Variants in KLC1 observed in about 807,000 individuals in gnomAD.
The protein encoded by KLC1 is kinesin light chain 1, also known as kinesin 2 60/70kDa.
KLC1 carries 30 observed loss-of-function variants against 84.2 expected under a neutral mutation model. The observed-to-expected ratio is 0.36, with a 90% confidence interval of 0.27 to 0.48. The LOEUF is 0.48. KLC1 is among the 20% of genes least tolerant of loss of function. The pLI is 0.99. For synonymous variants in KLC1, 289 were observed against 293.3 expected, an observed-to-expected ratio of 0.99 and a Z score of 0.15; for missense variants, 499 against 805.4, an observed-to-expected ratio of 0.62 and a Z score of 4.60.
chr14:103,679,288 G>GTT lies in KLC1; in HGVS notation c.1489-81_1489-80dup, dbSNP rs369024927. On this transcript the variant is annotated intron_variant, in intron 12 of 16. Coordinates refer to ENST00000334553, the MANE Select transcript of KLC1 (RefSeq NM_001394837.1). ...TTTTTCCCTCCAGTGATTAAGAACTGTTTTTTTTTTTTTTTTCTAGCGAAG... is the reference window on the plus strand; with the variant it reads ...TTTTTCCCTCCAGTGATTAAGAACTGTTTTTTTTTTTTTTTTTTCTAGCGAAG... 9.8e-3 allele frequency: 10,702 copies of GTT among 1,092,302 alleles called. 1 individual carries two copies. The highest frequency in any genetic ancestry group is 0.025 in the South Asian group (1,518 of 61,834). 67.7% of individuals were successfully genotyped at this position (1,092,302 alleles called of 1,614,324 possible).
At chr14:103,648,887 A>G (rs1243933770) in intron 1 of KLC1, among the ~76,000 whole-genome samples, 1 of 152,206 alleles carries the variant, frequency 6.6e-6, no homozygotes, top group Non-Finnish European at 1.5e-5. Flanking sequence ...CTGTAATCCC[A>G]GTTCTTTGGG....
chr14:103,669,707 C>A, intron 6 of KLC1, 109 bp downstream of exon 6: 2 of 771,718 alleles, frequency 2.6e-6, no homozygotes, highest in South Asian at 1.6e-5. Context: ...TAAGTGCTGC[C>A]TTTTCCCTAG....
intron 3 of KLC1, among the ~76,000 whole-genome samples, chr14:103,660,864 A>G (rs1271729910): frequency 2.0e-5 from 3 of 152,174 alleles, no homozygotes; most frequent in African/African-American, 7.2e-5. Context: ...ATGGAAATGC[A>G]AGTACTTTGC....
intron 16 of KLC1, among the ~76,000 whole-genome samples, chr14:103,700,988 C>G (rs1433010877): frequency 6.6e-6 from 1 of 152,230 alleles, no homozygotes; most frequent in Non-Finnish European, 1.5e-5. Context: ...TCCCCCGTGC[C>G]AGACGCAGGC....
At chr14:103,669,698 A>C (rs1211853085) in intron 6 of KLC1, 100 bp downstream of exon 6, 1 of 833,536 alleles carries the variant, frequency 1.2e-6, no homozygotes, top group Non-Finnish European at 2.0e-6. Context: ...GGGAAAGTTT[A>C]AGTGCTGCCT....
chr14:103,700,521 C>A, intron 15 of KLC1, 134 bp from the exon 16 acceptor site: 1 of 633,410 alleles, frequency 1.6e-6, no homozygotes, highest in South Asian at 1.9e-5. Flanking sequence ...CAGATGGAGG[C>A]TGCTAAGGGG....
chr14:103,638,574 A>G (rs2077227019), intron 1 of KLC1, among the ~76,000 whole-genome samples: 1 of 150,746 alleles, frequency 6.6e-6, no homozygotes, highest in Admixed American at 6.6e-5. Flanking sequence ...ACCTGGCTGA[A>G]TTTCACATGA....
chr14:103,630,804 A>G (rs537278750), intron 1 of KLC1, among the ~76,000 whole-genome samples: 1 of 152,174 alleles, frequency 6.6e-6, no homozygotes, highest in African/African-American at 2.4e-5. Flanking sequence ...GAGGGTAGGC[A>G]CTCTAAAGAG....
intron 1 of KLC1, among the ~76,000 whole-genome samples, chr14:103,634,436 C>G (rs1487692496): frequency 2.0e-5 from 3 of 152,118 alleles, no homozygotes; most frequent in Non-Finnish European, 4.4e-5. Flanking sequence ...CATGTTAAAT[C>G]TGAAGTGCTT....
At chr14:103,645,777 A>C (rs1294533406) in intron 1 of KLC1, among the ~76,000 whole-genome samples, 1 of 110,304 alleles carries the variant, frequency 9.1e-6, no homozygotes, top group Admixed American at 9.0e-5. Context: ...TTTTTTTTTG[A>C]GACAGAGTCT....
intron 15 of KLC1, 74 bp downstream of exon 15, chr14:103,692,499 G>T: frequency 1.5e-6 from 2 of 1,323,648 alleles, no homozygotes; most frequent in Non-Finnish European, 2.1e-6. Context: ...ACCCGCACTC[G>T]GCCCCTGCTC....
chr14:103,629,819 C>A (rs2076535809), intron 1 of KLC1, among the ~76,000 whole-genome samples: 1 of 152,162 alleles, frequency 6.6e-6, no homozygotes, highest in African/African-American at 2.4e-5. Context: ...CCCGCCCTGG[C>A]CCCGCATCCC....
Position 103,692,350 on chromosome 14 carries a change from G to C in KLC1, c.1782-9G>C. 4 of 1,536,514 alleles carry C rather than the reference G, an allele frequency of 2.6e-6. No homozygotes were observed. The highest frequency in any genetic ancestry group is 2.6e-6 in the Non-Finnish European group (3 of 1,146,950). On this transcript the variant is annotated splice_polypyrimidine_tract_variant and intron_variant, in intron 14 of 16. Transcript: ENST00000334553. ...CGTTTGTCCTTGCATGTCCGTGTCC[G>C]GGTTGCAGCATGAAGCGTGCCAGCT...
At position 103,696,336 on chromosome 14, in the gene KLC1, T is replaced by C. The variant is rs1415128042; in HGVS notation, c.1848+3911T>C. 13 of 985,274 alleles carry C rather than the reference T, an allele frequency of 1.3e-5. No homozygotes were observed. The East Asian group carries it at 9.1e-4, about 69-fold the overall frequency. 61.0% of individuals were successfully genotyped at this position (985,274 alleles called of 1,614,324 possible). ...CCGCGGGTGGCACGGGGCACTCTCA[T>C]GGGCAGCACTTGGTCTTGTGTTTAC... On this transcript the variant is annotated intron_variant, in intron 15 of 16. Coordinates refer to ENST00000334553, the MANE Select transcript of KLC1 (RefSeq NM_001394837.1).
Position 103,689,540 on chromosome 14 carries a change from G to A in KLC1, c.1781+2329G>A, listed in dbSNP as rs995705235. Among the ~76,000 whole-genome samples, 8 of 152,198 alleles carry A rather than the reference G, an allele frequency of 5.3e-5. No homozygotes were observed. The South Asian group carries it at 1.2e-3, about 24-fold the overall frequency. The stretch of plus-strand genomic sequence containing the variant: ...AGTGACTGTTTTTATTAACTAGACA[G>A]TAGTCTCAGACATCTTTTGGAGGGT... On this transcript the variant is annotated intron_variant, in intron 14 of 16. Coordinates refer to ENST00000334553, the MANE Select transcript of KLC1 (RefSeq NM_001394837.1).
chr14:103,677,297 A>G, intron 11 of KLC1, 118 bp from the exon 12 acceptor site: 1 of 711,852 alleles, frequency 1.4e-6, no homozygotes. Context: ...TACAAGAGAA[A>G]GTTAAAATAT....
At chr14:103,692,968 C>T (rs529307103) in intron 15 of KLC1, among the ~76,000 whole-genome samples, 3 of 152,336 alleles carry the variant, frequency 2.0e-5, no homozygotes, top group Admixed American at 6.5e-5. Context: ...TTCCCCATCA[C>T]GGAGGCCGTT....
At chr14:103,651,802 GC>G in intron 1 of KLC1, among the ~76,000 whole-genome samples, 1 of 152,300 alleles carries the variant, frequency 6.6e-6, no homozygotes, top group Middle Eastern at 3.4e-3. Context: ...AATCTTAGTA[GC>G]CCTTACTAGC....
At chr14:103,666,156 C>T (rs1311217635) in intron 5 of KLC1, among the ~76,000 whole-genome samples, 1 of 151,996 alleles carries the variant, frequency 6.6e-6, no homozygotes, top group Non-Finnish European at 1.5e-5. Flanking sequence ...CTCCGCCTCC[C>T]GGGTTCACGC....
Sources: gnomAD v4.1 joint callset for allele counts (sites outside exome capture counted in the v4.1 genomes callset) on GRCh38, gnomAD v4.1.1 for gene constraint, MANE v1.5 for transcripts, NCBI Gene and HGNC (gene_info 2026-07-23, HGNC 2026-07-21) for gene names.